COG3: variants seen among roughly 807,000 people sequenced by gnomAD.
COG3 encodes conserved oligomeric Golgi complex subunit 3.
COG3 carries 32 observed loss-of-function variants against 114.1 expected under a neutral mutation model. That is an observed-to-expected ratio of 0.28 (90% CI 0.21 to 0.38). The LOEUF (loss-of-function observed/expected upper bound fraction) is 0.38. Ranked by LOEUF, COG3 falls within the 10% of genes least tolerant of loss-of-function variation. COG3 has a pLI of 1.00. For missense variants in COG3, 813 were observed against 973.2 expected (o/e 0.84, Z 2.19); for synonymous variants, 352 against 365.7 (o/e 0.96, Z 0.43).
At chr13:45,497,840 A>G (rs1387189995) in intron 13 of COG3, among the ~76,000 whole-genome samples, 1 of 142,464 alleles carries the variant, frequency 7.0e-6, no homozygotes, top group African/African-American at 2.6e-5. Context: ...ACTCAAGGCT[A>G]AGCAGGACGG....
intron 20 of COG3, among the ~76,000 whole-genome samples, chr13:45,529,140 T>C (rs1335640615): frequency 1.3e-5 from 2 of 152,216 alleles, no homozygotes; most frequent in Non-Finnish European, 2.9e-5. Flanking sequence ...TTGAGCATCT[T>C]TGAAATTGTT....
At chr13:45,504,354 G>T (rs1341596421) in intron 14 of COG3, among the ~76,000 whole-genome samples, 1 of 152,182 alleles carries the variant, frequency 6.6e-6, no homozygotes, top group East Asian at 1.9e-4. Context: ...CTCTGCAATA[G>T]AACCCATACC....
At position 45,481,335 on chromosome 13, in the gene COG3, T is replaced by C. The variant is rs774858104; in HGVS notation, c.624+31T>C. ...CATTGTTCTTTACTTCTTATAAAGT[T>C]AGTGATTTTTGTTTTATTTTTGCCT... On this transcript the variant is annotated intron_variant, in intron 5 of 22. Coordinates refer to ENST00000349995, the MANE Select transcript of COG3 (RefSeq NM_031431.4). 9.8e-6 allele frequency: 12 copies of C among 1,218,894 alleles called. No individual in the cohort carries two copies. In the African/African-American group the frequency reaches 1.8e-4, roughly 18 times the overall value. 75.5% of individuals were successfully genotyped at this position (1,218,894 alleles called of 1,614,324 possible).
chr13:45,521,451 C>G (rs951857883), intron 19 of COG3, among the ~76,000 whole-genome samples: 1 of 152,146 alleles, frequency 6.6e-6, no homozygotes, highest in Admixed American at 6.5e-5. Flanking sequence ...CTGCTGCTCA[C>G]TGAGTTTCTA....
chr13:45,487,873 C>A (rs1397806389), intron 8 of COG3, among the ~76,000 whole-genome samples: 2 of 152,166 alleles, frequency 1.3e-5, no homozygotes, highest in Admixed American at 6.5e-5. Context: ...TCCAGCAATA[C>A]CTCTACTGGG....
intron 1 of COG3, among the ~76,000 whole-genome samples, chr13:45,474,743 A>G (rs1003388383): frequency 6.6e-6 from 1 of 152,154 alleles, no homozygotes; most frequent in Admixed American, 6.5e-5. Context: ...TTTGAAGAGA[A>G]AATGCTATCT....
chr13:45,465,212 T>C lies in COG3; in HGVS notation c.174+2T>C. 6.2e-7 allele frequency: 1 copy of C among 1,612,800 alleles called. No homozygotes were observed. The highest frequency in any genetic ancestry group is 1.1e-5 in the South Asian group (1 of 91,024). The stretch of plus-strand genomic sequence containing the variant: ...GAGAACTTGCCGGTGCCAGCTGAGG[T>C]GAGGTGATGGGCAGGAACCGGGCCG... On this transcript the variant is annotated splice_donor_variant, in intron 1 of 22. Transcript: ENST00000349995. LOFTEE classifies it high-confidence loss of function.
In COG3 at chr13:45,535,464, GAT is replaced by G; in HGVS notation, c.*735_*736del. The G allele has an allele frequency of 4.1e-6, 4 of 985,452 alleles. No individual in the cohort carries two copies. The highest frequency in any genetic ancestry group is 4.8e-6 in the Non-Finnish European group (4 of 829,956). The allele number at this position is 985,452 out of a possible 1,614,324, so 61.0% of individuals were successfully genotyped here. A position where few individuals can be genotyped will look rare whatever the true frequency, so the allele number is the denominator to read the frequency against. On this transcript the variant is annotated 3_prime_UTR_variant, in exon 23 of 23. Coordinates refer to ENST00000349995, the MANE Select transcript of COG3 (RefSeq NM_031431.4). ...TCTTTAATGAGTATCTTCATGGTAT[GAT>G]AGTGTGTGTTTGTGAGTGCGAAGTA...
At chr13:45,471,780 T>C (rs1885505005) in intron 1 of COG3, among the ~76,000 whole-genome samples, 1 of 152,054 alleles carries the variant, frequency 6.6e-6, no homozygotes, top group Non-Finnish European at 1.5e-5. Context: ...TAGCCCAGGC[T>C]GGAGTGCAAT....
chr13:45,486,381 C>A, intron 7 of COG3, 114 bp from the exon 8 acceptor site: 1 of 565,206 alleles, frequency 1.8e-6, no homozygotes, highest in Non-Finnish European at 3.3e-6. Context: ...TCTCCCTAAG[C>A]TTTGATTGGT....
intron 14 of COG3, among the ~76,000 whole-genome samples, chr13:45,508,505 C>T (rs1210934633): frequency 6.7e-6 from 1 of 150,162 alleles, no homozygotes; most frequent in Non-Finnish European, 1.5e-5. Flanking sequence ...TTTTATGAAC[C>T]ATTTTAAATT....
chr13:45,523,580 A>G (rs1484592520), intron 19 of COG3, among the ~76,000 whole-genome samples: 3 of 152,214 alleles, frequency 2.0e-5, no homozygotes, highest in South Asian at 4.1e-4. Context: ...AAAGATAAGT[A>G]AACTATCTGG....
At chr13:45,503,430 A>G (rs940994064) in intron 14 of COG3, 81 bp downstream of exon 14, 22 of 756,182 alleles carry the variant, frequency 2.9e-5, no homozygotes, top group Non-Finnish European at 5.1e-5. Flanking sequence ...TGTCCCAGAC[A>G]TGAAAAACAA....
chr13:45,520,588 ATAAT>A (rs1872024821), intron 19 of COG3, among the ~76,000 whole-genome samples: 1 of 152,240 alleles, frequency 6.6e-6, no homozygotes, highest in Middle Eastern at 3.2e-3. Context: ...GTTTTAAAAA[ATAAT>A]TAAAAAGGCC....
intron 14 of COG3, among the ~76,000 whole-genome samples, chr13:45,504,786 G>A (rs1020677967): frequency 3.3e-5 from 5 of 152,204 alleles, no homozygotes; most frequent in Non-Finnish European, 7.3e-5. Context: ...CTGCCATTGA[G>A]CGTGTGAAAT....
intron 1 of COG3, among the ~76,000 whole-genome samples, chr13:45,467,311 G>A (rs868422887): frequency 6.6e-6 from 1 of 152,252 alleles, no homozygotes; most frequent in Non-Finnish European, 1.5e-5. Context: ...AATAGCTGAG[G>A]CCAGGTGCGG....
intron 9 of COG3, among the ~76,000 whole-genome samples, chr13:45,491,178 C>A (rs948039706): frequency 2.0e-5 from 3 of 152,124 alleles, no homozygotes; most frequent in Non-Finnish European, 4.4e-5. Flanking sequence ...GATGTGGGGT[C>A]ACTATACTTG....
At chr13:45,483,994 T>A (rs978848843) in intron 7 of COG3, among the ~76,000 whole-genome samples, 1 of 152,164 alleles carries the variant, frequency 6.6e-6, no homozygotes, top group Admixed American at 6.5e-5. Flanking sequence ...TGTAGTTGAT[T>A]CTAGGTGGAA....
intron 16 of COG3, 86 bp downstream of exon 16, chr13:45,511,940 C>A: frequency 9.7e-7 from 1 of 1,027,154 alleles, no homozygotes; most frequent in Non-Finnish European, 1.5e-6. Context: ...AAGTTTAAAG[C>A]TGTTTTGGCA....
Sources: allele counts gnomAD v4.1 joint callset (sites outside exome capture counted in the v4.1 genomes callset), GRCh38; gene constraint gnomAD v4.1.1; transcripts MANE v1.5; gene names NCBI Gene and HGNC (gene_info 2026-07-23, HGNC 2026-07-21).